Variants in LRP8 observed in about 807,000 individuals in gnomAD.
LRP8 encodes LDL receptor related protein 8.
Under a neutral mutation model 111.6 loss-of-function variants are expected in LRP8, and 46 were observed. The observed-to-expected ratio is 0.41, with a 90% CI of 0.33 to 0.53. LRP8 has a LOEUF of 0.53. Among genes scored for constraint, LRP8 ranks in the 20% least tolerant of loss-of-function variants. LRP8 has a pLI of 0.20. For synonymous variants in LRP8, 464 were observed against 511.2 expected (o/e 0.91, Z 1.24); for missense variants, 959 against 1,297.4 (o/e 0.74, Z 4.01).
intron 2 of LRP8, among the ~76,000 whole-genome samples, chr1:53,314,356 G>A (rs17108319): frequency 0.038 from 5,862 of 152,314 alleles, 188 homozygotes; most frequent in African/African-American, 0.085. Flanking sequence ...GAATGTGCAC[G>A]CCACCAGGCC....
intron 2 of LRP8, chr1:53,291,770 G>C (rs889282474): frequency 2.6e-5 from 4 of 152,212 alleles, no homozygotes; most frequent in African/African-American, 9.6e-5. Flanking sequence ...AGAGACATTA[G>C]ATAAATGAGT....
intron 2 of LRP8, among the ~76,000 whole-genome samples, chr1:53,321,951 T>C (rs747125447): frequency 1.4e-4 from 21 of 152,136 alleles, no homozygotes; most frequent in Non-Finnish European, 2.9e-4. Flanking sequence ...CAGCTTTCTG[T>C]CACCTCTACG....
rs1410449156 is a variant in LRP8, at chr1:53,277,069, G to A, written c.506C>T (p.Pro169Leu). The A allele has an allele frequency of 1.3e-6, 2 of 1,521,342 alleles. No individual in the cohort carries two copies. The highest frequency in any genetic ancestry group is 2.8e-5 in the African/African-American group (2 of 71,128). The allele number at this position is 1,521,342 out of a possible 1,614,324, so 94.2% of individuals were successfully genotyped here. Residue 169 changes from proline (P) to leucine (L), a missense_variant, in exon 5 of 19, where the codon CCG becomes CTG. Coordinates refer to ENST00000306052, the MANE Select transcript of LRP8 (RefSeq NM_004631.5). ...DEAGCATLCA[P>L]HEFQCGNRSC... ...GCGGTTGCCGCACTGGAACTCGTGC[G>A]GGGCGCACACTGCGCGGGACAGAGA...
chr1:53,280,751 G>T, intron 3 of LRP8, 36 bp from the exon 4 acceptor site: 5 of 1,604,556 alleles, frequency 3.1e-6, no homozygotes, highest in Non-Finnish European at 3.4e-6. Flanking sequence ...GCTTAGCCAA[G>T]GGGGACACAG....
Position 53,326,997 on chromosome 1 carries a change from GA to G in LRP8, c.125-6del. 6.2e-7 allele frequency: 1 copy of G among 1,612,082 alleles called. No individual in the cohort carries two copies. ...TTTCGCAATCCTTGGCCGGCCCTGCGAGGGGGAGGGAGCGTGAGCTGGATCA... is the reference window on the plus strand; with the variant it reads ...TTTCGCAATCCTTGGCCGGCCCTGCGGGGGGAGGGAGCGTGAGCTGGATCA... On this transcript the variant is annotated splice_polypyrimidine_tract_variant and splice_region_variant and intron_variant, in intron 1 of 18. Coordinates refer to ENST00000306052, the MANE Select transcript of LRP8 (RefSeq NM_004631.5).
chr1:53,322,887 C>T (rs1443825434), intron 2 of LRP8, among the ~76,000 whole-genome samples: 2 of 152,252 alleles, frequency 1.3e-5, no homozygotes, highest in South Asian at 4.1e-4. Flanking sequence ...CCTGGCCTTG[C>T]CCAGCTAATG....
intron 2 of LRP8, chr1:53,306,013 T>G (rs968107667): frequency 1.3e-5 from 2 of 152,178 alleles, no homozygotes; most frequent in African/African-American, 4.8e-5. Context: ...TGGAGGACCC[T>G]CCTCCCCTTC....
chr1:53,301,647 C>T (rs934689208), intron 2 of LRP8, among the ~76,000 whole-genome samples: 3 of 151,826 alleles, frequency 2.0e-5, no homozygotes, highest in African/African-American at 7.3e-5. Flanking sequence ...GGTCGGCTGG[C>T]TTGAGCCCGG....
chr1:53,277,290 G>A (rs1052093956), intron 4 of LRP8, among the ~76,000 whole-genome samples: 48 of 152,328 alleles, frequency 3.2e-4, no homozygotes, highest in African/African-American at 1.1e-3. Flanking sequence ...CCCTTTGTGA[G>A]CCCCCCAGGC....
intron 16 of LRP8, among the ~76,000 whole-genome samples, chr1:53,253,102 T>G (rs1645949700): frequency 6.6e-6 from 1 of 152,106 alleles, no homozygotes; most frequent in Non-Finnish European, 1.5e-5. Flanking sequence ...CATACGATAC[T>G]CTAAAATTTA....
intron 2 of LRP8, among the ~76,000 whole-genome samples, chr1:53,300,534 C>T (rs1013619522): frequency 6.6e-6 from 1 of 152,252 alleles, no homozygotes; most frequent in African/African-American, 2.4e-5. Context: ...CCCTTCCAGG[C>T]TGTGCCCACC....
intron 8 of LRP8, among the ~76,000 whole-genome samples, chr1:53,269,047 C>T (rs1171734831): frequency 6.6e-6 from 1 of 152,150 alleles, no homozygotes; most frequent in Non-Finnish European, 1.5e-5. Flanking sequence ...TCAATGGTTT[C>T]CCCCCAGTTA....
In LRP8 at chr1:53,247,071, C is replaced by G. The variant is rs756843996; in HGVS notation, c.2854-15G>C. On this transcript the variant is annotated splice_polypyrimidine_tract_variant and intron_variant, in intron 18 of 18. Coordinates refer to ENST00000306052, the MANE Select transcript of LRP8 (RefSeq NM_004631.5). ...AATGCCACTCGCTGGGGAGACAAAC[C>G]AAAGAATTCATCATTAGATCCATAA... 6.3e-7 allele frequency: 1 copy of G among 1,582,710 alleles called. No homozygotes were observed. Among genetic ancestry groups the G allele is most frequent in the East Asian group, 2.3e-5 (1 of 43,894 alleles).
rs1344221462 is a variant in LRP8 at position 53,275,944 on chromosome 1, G to A, written c.884-191C>T. ...TGGGGAGACTGAAGCTCAGAGAGGG[G>A]GAAGGCCTTGCCCAGGGTCACACAG... On this transcript the variant is annotated intron_variant, in intron 5 of 18. Transcript: ENST00000306052. The surrounding 1 kb of genome is among the most constrained non-coding windows in gnomAD (Gnocchi z 4.4). Among the ~76,000 whole-genome samples, 1 of 152,140 alleles carries A rather than the reference G, an allele frequency of 6.6e-6. No homozygotes were observed. Among genetic ancestry groups the A allele is most frequent in the Non-Finnish European group, 1.5e-5 (1 of 68,022 alleles).
intron 13 of LRP8, among the ~76,000 whole-genome samples, chr1:53,260,183 G>A (rs1042734542): frequency 3.3e-5 from 5 of 152,154 alleles, no homozygotes; most frequent in Admixed American, 6.5e-5. Context: ...CTGAGCTTCC[G>A]TTTCCTCAAC....
At chr1:53,251,416 G>A (rs542769380) in intron 16 of LRP8, among the ~76,000 whole-genome samples, 1 of 152,078 alleles carries the variant, frequency 6.6e-6, no homozygotes, top group Non-Finnish European at 1.5e-5. Context: ...TCCACCTGAA[G>A]AAGAACATCT....
chr1:53,322,000 GCAGGAACCTCGACAT>G lies in LRP8; in HGVS notation c.244+4858_244+4872del, dbSNP rs573759110. ...TCCCTGGCTGAGGCGAGCACCAGCT[GCAGGAACCTCGACAT>G]CTGGCTAAGCAGACAGGAGCAGGGG... On this transcript the variant is annotated intron_variant, in intron 2 of 18. Coordinates refer to ENST00000306052, the MANE Select transcript of LRP8 (RefSeq NM_004631.5). Among the ~76,000 whole-genome samples, 243 of 152,260 alleles carry G rather than the reference GCAGGAACCTCGACAT, an allele frequency of 1.6e-3. 1 individual carries two copies. The highest frequency in any genetic ancestry group is 5.6e-3 in the African/African-American group (234 of 41,540).
In LRP8 at chr1:53,300,133, C is replaced by T. The variant is rs80049947; in HGVS notation, c.245-10444G>A. ...ACTGCCTTAGCAGGGCACTCAGGAA[C>T]AGTTCAACCTGCCCTGCTACTGCTC... On this transcript the variant is annotated intron_variant, in intron 2 of 18. Coordinates refer to ENST00000306052, the MANE Select transcript of LRP8 (RefSeq NM_004631.5). Among the ~76,000 whole-genome samples the T allele has an allele frequency of 4.5e-3, 688 of 152,340 alleles. 6 individuals carry two copies. The highest frequency in any genetic ancestry group is 0.032 in the East Asian group (166 of 5,174).
intron 2 of LRP8, among the ~76,000 whole-genome samples, chr1:53,302,260 C>T (rs1333252297): frequency 6.6e-6 from 1 of 152,136 alleles, no homozygotes; most frequent in Non-Finnish European, 1.5e-5. Context: ...CTTCTCAGTG[C>T]GTTTGGAAGG....
Sources: allele counts gnomAD v4.1 joint callset (sites outside exome capture counted in the v4.1 genomes callset), GRCh38; gene constraint gnomAD v4.1.1; non-coding constraint Gnocchi (gnomAD v3.1); transcripts MANE v1.5; gene names NCBI Gene and HGNC (gene_info 2026-07-23, HGNC 2026-07-21).